The following TMEM164 variants were observed in gnomAD, a reference collection of about 807,000 sequenced individuals.
The protein encoded by TMEM164 is transmembrane protein 164, also known as RP13-360B22.2.
A neutral mutation model predicts 18.8 loss-of-function variants in TMEM164; 4 were observed. The ratio of observed to expected loss-of-function variants is 0.21; its 90% CI spans 0.10 to 0.49. The LOEUF (loss-of-function observed/expected upper bound fraction) is 0.49. TMEM164 is among the 20% of genes least tolerant of loss of function. TMEM164 has a pLI of 0.98. For missense variants in TMEM164, 108 were observed against 239.9 expected (o/e 0.45, Z 3.63); for synonymous variants, 86 against 101.7 (o/e 0.85, Z 0.93).
intron 4 of TMEM164, among the ~76,000 whole-genome samples, chrX:110,113,475 T>G (rs1320016793): frequency 8.9e-6 from 1 of 112,526 alleles, no homozygotes; most frequent in East Asian, 2.8e-4. Flanking sequence ...CCAATTAGGT[T>G]GTAAGCCAGC....
At chrX:110,183,568 T>C (rs745315077), downstream of TMEM164, among the ~76,000 whole-genome samples, 3 of 111,786 alleles carry the variant, frequency 2.7e-5, no homozygotes, top group Non-Finnish European at 3.8e-5. Flanking sequence ...TGGCAGCACA[T>C]TTGTTAGATA....
At chrX:110,066,577 T>C (rs965731073) in intron 2 of TMEM164, among the ~76,000 whole-genome samples, 8 of 112,415 alleles carry the variant, frequency 7.1e-5, no homozygotes, top group South Asian at 3.7e-4. Flanking sequence ...TTGTATGTTT[T>C]ACAAGCTCTG....
chrX:110,162,208 C>A (rs2067102643), intron 5 of TMEM164, among the ~76,000 whole-genome samples: 1 of 112,939 alleles, frequency 8.9e-6, no homozygotes, highest in South Asian at 3.6e-4. Flanking sequence ...GCTAAGGTCA[C>A]ACAGCAGCTT....
At chrX:110,133,873 G>T (rs1441662126) in intron 4 of TMEM164, among the ~76,000 whole-genome samples, 1 of 112,078 alleles carries the variant, frequency 8.9e-6, no homozygotes, top group Non-Finnish European at 1.9e-5. Context: ...TTCTTAAGAT[G>T]ATAGGCAGCA....
At chrX:110,100,645 C>T (rs2066095655) in intron 3 of TMEM164, among the ~76,000 whole-genome samples, 1 of 111,897 alleles carries the variant, frequency 8.9e-6, no homozygotes, top group Admixed American at 9.4e-5. Flanking sequence ...AATCTCGGCT[C>T]ACTGCAAGCT....
At chrX:110,158,316 C>T (rs903432196) in intron 5 of TMEM164, among the ~76,000 whole-genome samples, 13 of 111,929 alleles carry the variant, frequency 1.2e-4, no homozygotes, top group African/African-American at 3.3e-4. Flanking sequence ...CTGGTTTGTA[C>T]GGTTACCCCA....
At chrX:110,028,599 T>A (rs1174139618) in intron 2 of TMEM164, among the ~76,000 whole-genome samples, 1 of 112,566 alleles carries the variant, frequency 8.9e-6, no homozygotes, top group Non-Finnish European at 1.9e-5. Context: ...CTTTCTTAAC[T>A]CATGGGTTGT....
intron 2 of TMEM164, among the ~76,000 whole-genome samples, chrX:110,044,433 T>G (rs569670012): frequency 1.4e-3 from 148 of 109,255 alleles, no homozygotes; most frequent in Middle Eastern, 4.7e-3. Context: ...AGGTTTTTTT[T>G]TTGTTGTTGT....
rs2067286626 is a variant in TMEM164, at chrX:110,176,109, T to G, written c.*2658T>G. 1 of 754,885 alleles carries G rather than the reference T, an allele frequency of 1.3e-6. No individual in the cohort carries two copies. The highest frequency in any genetic ancestry group is 1.6e-6 in the Non-Finnish European group (1 of 639,403). The allele number at this position is 754,885 out of a possible 1,213,427, so 62.2% of individuals were successfully genotyped here. Reference sequence around the variant, plus strand: ...GTGCCATTTGCCAGCGTGTGGGAGCTCTGCGCGTGTGTGAGGGTGTTTGTA... The same window carrying G: ...GTGCCATTTGCCAGCGTGTGGGAGCGCTGCGCGTGTGTGAGGGTGTTTGTA... On this transcript the variant is annotated 3_prime_UTR_variant, in exon 7 of 7. Transcript: ENST00000372068.
intron 4 of TMEM164, among the ~76,000 whole-genome samples, chrX:110,123,522 C>T (rs1012294537): frequency 8.9e-6 from 1 of 112,442 alleles, no homozygotes; most frequent in Non-Finnish European, 1.9e-5. Context: ...TGGTTCAGCA[C>T]TCAGGTCTTC....
intron 2 of TMEM164, among the ~76,000 whole-genome samples, chrX:110,045,247 G>A (rs1935268627): frequency 9.0e-6 from 1 of 111,621 alleles, no homozygotes; most frequent in East Asian, 2.8e-4. Flanking sequence ...TTTACCCCAG[G>A]GAGCTGGCAG....
chrX:110,138,423 G>A (rs1398079328), intron 4 of TMEM164, among the ~76,000 whole-genome samples: 4 of 112,115 alleles, frequency 3.6e-5, no homozygotes, highest in Non-Finnish European at 1.9e-5. Flanking sequence ...TGGAGATACC[G>A]ATTGGGAGTC....
At chrX:110,180,929 C>T (rs1373656348), downstream of TMEM164, among the ~76,000 whole-genome samples, 1 of 111,960 alleles carries the variant, frequency 8.9e-6, no homozygotes, top group Non-Finnish European at 1.9e-5. Context: ...TCAGGAGGCT[C>T]ATGCTTTTTA....
chrX:110,166,248 C>T (rs1198511176), intron 5 of TMEM164, among the ~76,000 whole-genome samples: 1 of 112,438 alleles, frequency 8.9e-6, no homozygotes, highest in Non-Finnish European at 1.9e-5. Flanking sequence ...CAAAGCTCAC[C>T]TCAACTGTCA....
downstream of TMEM164, among the ~76,000 whole-genome samples, chrX:110,179,211 T>C (rs185158841): frequency 2.4e-4 from 27 of 111,483 alleles, no homozygotes; most frequent in Non-Finnish European, 3.6e-4. Context: ...GGGTTCCTTT[T>C]TAGGAAGAGA....
intron 5 of TMEM164, among the ~76,000 whole-genome samples, chrX:110,168,575 G>A (rs1298949402): frequency 8.9e-6 from 1 of 112,518 alleles, no homozygotes; most frequent in East Asian, 2.8e-4. Flanking sequence ...TAAAATGGAG[G>A]GAATGATATC....
intron 6 of TMEM164, among the ~76,000 whole-genome samples, chrX:110,172,697 A>G (rs995873443): frequency 9.0e-6 from 1 of 111,637 alleles, no homozygotes; most frequent in Non-Finnish European, 1.9e-5. Context: ...ATTCCTCACC[A>G]TAAACCCCCA....
At chrX:110,118,572 A>C (rs2066404977) in intron 4 of TMEM164, among the ~76,000 whole-genome samples, 1 of 111,353 alleles carries the variant, frequency 9.0e-6, no homozygotes, top group Non-Finnish European at 1.9e-5. Flanking sequence ...CGAGTTCTGA[A>C]GACCATAGTT....
At position 110,003,887 on chromosome X, in the gene TMEM164, G is replaced by T; in HGVS notation, c.113G>T (p.Arg38Leu). 1 of 1,211,702 alleles carries T rather than the reference G, an allele frequency of 8.3e-7. No individual in the cohort carries two copies. The highest frequency in any genetic ancestry group is 1.1e-6 in the Non-Finnish European group (1 of 895,453). Residue 38 changes from arginine (R) to leucine (L), a missense_variant, in exon 2 of 7, where the codon CGG (arginine) becomes CTG (leucine). Transcript: ENST00000372068. ...GCTGCCTTCCTCTCTTGGCAGCAGC[G>T]GCTGCTGGAAAGTGTGGTGGTCCTG... is the stretch of plus-strand genomic sequence containing the variant. ...DCAAFLSWQQ[R>L]LLESVVVLTL...
Sources: allele counts gnomAD v4.1 joint callset (sites outside exome capture counted in the v4.1 genomes callset), GRCh38; gene constraint gnomAD v4.1.1; transcripts MANE v1.5; gene names NCBI Gene and HGNC (gene_info 2026-07-23, HGNC 2026-07-21).